ZNF385D: variants seen among roughly 807,000 people sequenced by gnomAD.
ZNF385D encodes zinc finger protein 385D.
ZNF385D carries 15 observed loss-of-function variants against 35.8 expected under a neutral mutation model. The ratio of observed to expected loss-of-function variants is 0.42; its 90% confidence interval spans 0.28 to 0.64. The LOEUF (loss-of-function observed/expected upper bound fraction) is 0.64. Among genes scored for constraint, ZNF385D ranks in the 30% least tolerant of loss-of-function variants. The pLI is 0.23. For missense variants in ZNF385D, 474 were observed against 494.6 expected (o/e 0.96, Z 0.39); for synonymous variants, 212 against 186.8 (o/e 1.13, Z -1.10).
In ZNF385D at chr3:22,275,878, A is replaced by T. The variant is rs143202899; in HGVS notation, c.106+96572T>A. ...GGCGGGTGGATAACCTGAGGTCAGG[A>T]GTTCGAGACCAGCCTGAACAACATG... On this transcript the variant is annotated intron_variant, in intron 2 of 5. Coordinates refer to the ZNF385D transcript ENST00000494108. Among the ~76,000 whole-genome samples, 221 of 152,284 alleles carry T rather than the reference A, an allele frequency of 1.5e-3. 1 individual carries two copies. The highest frequency in any genetic ancestry group is 0.012 in the Admixed American group (177 of 15,288).
intron 3 of ZNF385D, among the ~76,000 whole-genome samples, chr3:22,106,603 C>G (rs183356988): frequency 6.6e-6 from 1 of 152,114 alleles, no homozygotes; most frequent in Non-Finnish European, 1.5e-5. Context: ...CCAGTCCCTG[C>G]CCCCTTGGTT....
At chr3:21,911,354 T>C (rs1699953313) in intron 3 of ZNF385D, among the ~76,000 whole-genome samples, 1 of 151,934 alleles carries the variant, frequency 6.6e-6, no homozygotes, top group Admixed American at 6.6e-5. Context: ...GTAAAGTGTT[T>C]TGTAGATCAC....
chr3:22,028,579 C>T (rs1697713686), intron 3 of ZNF385D, among the ~76,000 whole-genome samples: 1 of 152,206 alleles, frequency 6.6e-6, no homozygotes, highest in Non-Finnish European at 1.5e-5. Context: ...GGTTTGTCCT[C>T]ACTGGAGTGG....
intron 2 of ZNF385D, among the ~76,000 whole-genome samples, chr3:22,175,047 G>T (rs1029357043): frequency 7.3e-5 from 11 of 151,326 alleles, no homozygotes; most frequent in Non-Finnish European, 1.5e-4. Flanking sequence ...CTTTATTATG[G>T]AAAAAAAGTA....
intron 1 of ZNF385D, among the ~76,000 whole-genome samples, chr3:21,690,996 C>T (rs989739841): frequency 1.3e-5 from 2 of 152,170 alleles, no homozygotes; most frequent in African/African-American, 4.8e-5. Flanking sequence ...CTTTTTCCCT[C>T]ATTAAAATCT....
chr3:22,075,215 G>C (rs890241475), intron 3 of ZNF385D, among the ~76,000 whole-genome samples: 5 of 151,710 alleles, frequency 3.3e-5, no homozygotes, highest in African/African-American at 1.2e-4. Flanking sequence ...CTATGTTTTT[G>C]ATCTCATTCC....
chr3:21,884,259 A>T (rs1235199522), intron 3 of ZNF385D, among the ~76,000 whole-genome samples: 2 of 152,084 alleles, frequency 1.3e-5, no homozygotes, highest in African/African-American at 4.8e-5. Context: ...TTAAACTGAA[A>T]TTATCAGGCA....
chr3:22,050,214 C>G (rs1337685602), intron 3 of ZNF385D, among the ~76,000 whole-genome samples: 8 of 150,150 alleles, frequency 5.3e-5, no homozygotes, highest in Admixed American at 5.3e-4. Context: ...AAAAAAAAAG[C>G]AGCTCTCTGT....
At chr3:22,109,799 G>A (rs1232635737) in intron 3 of ZNF385D, among the ~76,000 whole-genome samples, 3 of 152,104 alleles carry the variant, frequency 2.0e-5, no homozygotes, top group Non-Finnish European at 4.4e-5. Context: ...AAACTAAAGA[G>A]CTTCTGCACA....
intron 3 of ZNF385D, among the ~76,000 whole-genome samples, chr3:21,512,992 T>C (rs1575082919): frequency 6.6e-6 from 1 of 152,116 alleles, no homozygotes; most frequent in African/African-American, 2.4e-5. Flanking sequence ...ATAGATAATA[T>C]ATATTAAAAG....
intron 3 of ZNF385D, among the ~76,000 whole-genome samples, chr3:22,109,033 T>C (rs530340723): frequency 7.9e-5 from 12 of 152,100 alleles, no homozygotes; most frequent in East Asian, 1.9e-4. Flanking sequence ...CAAAACCATG[T>C]AGCAATAATG....
chr3:21,489,906 C>G (rs892572040), intron 4 of ZNF385D, among the ~76,000 whole-genome samples: 1 of 152,128 alleles, frequency 6.6e-6, no homozygotes, highest in Admixed American at 6.6e-5. Flanking sequence ...CCTTCTTTGT[C>G]TGGACCTGAA....
chr3:22,188,440 T>C (rs1695787671), intron 2 of ZNF385D, among the ~76,000 whole-genome samples: 1 of 144,778 alleles, frequency 6.9e-6, no homozygotes. Flanking sequence ...TACATACAAA[T>C]ACGTGTGTAT....
chr3:22,153,666 G>A (rs1212626595), intron 3 of ZNF385D, among the ~76,000 whole-genome samples: 1 of 151,932 alleles, frequency 6.6e-6, no homozygotes, highest in African/African-American at 2.4e-5. Flanking sequence ...ATTTCACCAT[G>A]TTGGTCAGGC....
intron 3 of ZNF385D, among the ~76,000 whole-genome samples, chr3:22,065,015 T>C (rs553866001): frequency 1.3e-5 from 2 of 152,234 alleles, no homozygotes; most frequent in Non-Finnish European, 2.9e-5. Flanking sequence ...ACTTTAGAAC[T>C]TTAGAAATAC....
chr3:21,963,919 G>A (rs542960204), intron 3 of ZNF385D, among the ~76,000 whole-genome samples: 1 of 151,962 alleles, frequency 6.6e-6, no homozygotes, highest in African/African-American at 2.4e-5. Context: ...ATTTTAGAAT[G>A]GCTACTAATA....
At chr3:22,144,219 GACA>G (rs1559404778) in intron 3 of ZNF385D, among the ~76,000 whole-genome samples, 1 of 152,036 alleles carries the variant, frequency 6.6e-6, no homozygotes, top group Non-Finnish European at 1.5e-5. Context: ...CAAAAATAGA[GACA>G]ACATTTACAG....
intron 3 of ZNF385D, among the ~76,000 whole-genome samples, chr3:21,520,549 G>A (rs1393396133): frequency 1.3e-5 from 2 of 152,118 alleles, no homozygotes; most frequent in South Asian, 2.1e-4. Context: ...CTTAATGCTG[G>A]AAAACCATCT....
chr3:22,063,736 C>T (rs577710788), intron 3 of ZNF385D, among the ~76,000 whole-genome samples: 1 of 152,282 alleles, frequency 6.6e-6, no homozygotes, highest in East Asian at 1.9e-4. Context: ...ATAGGCGTCT[C>T]ACCCAAAGTC....
Sources: gnomAD v4.1 joint callset for allele counts (sites outside exome capture counted in the v4.1 genomes callset) on GRCh38, gnomAD v4.1.1 for gene constraint, MANE v1.5 for transcripts, NCBI Gene and HGNC (gene_info 2026-07-23, HGNC 2026-07-21) for gene names.